DACH1: variants seen among roughly 807,000 people sequenced by gnomAD.
The protein encoded by DACH1 is dachshund family transcription factor 1.
Under a neutral mutation model 54.2 loss-of-function variants are expected in DACH1, and 12 were observed. The ratio of observed to expected loss-of-function variants is 0.22; its 90% CI spans 0.14 to 0.36. The LOEUF is 0.36. Among genes scored for constraint, DACH1 ranks in the 10% least tolerant of loss-of-function variants. The probability of loss-of-function intolerance (pLI) is 1.00; values close to 1 mark genes in which losing one functional copy is unlikely to be tolerated. For synonymous variants in DACH1, 386 were observed against 366.2 expected (o/e 1.05, Z -0.62); for missense variants, 805 against 929.8 (o/e 0.87, Z 1.75).
At chr13:71,609,575 T>C (rs556341929) in intron 3 of DACH1, among the ~76,000 whole-genome samples, 1 of 152,160 alleles carries the variant, frequency 6.6e-6, no homozygotes, top group African/African-American at 2.4e-5. Flanking sequence ...GTTTTGCTCT[T>C]GTAGCCCAGG....
In DACH1 at chr13:71,753,054, T is replaced by C. The variant is rs551477460; in HGVS notation, c.849-71144A>G. ...TAAACCTAACCTATTAATACCACTATGCATGGGATAATAGAAAGGCCCTCT... is the reference window on the plus strand; with the variant it reads ...TAAACCTAACCTATTAATACCACTACGCATGGGATAATAGAAAGGCCCTCT... On this transcript the variant is annotated intron_variant, in intron 1 of 10. Transcript: ENST00000613252. 2.0e-5 allele frequency among the ~76,000 whole-genome samples: 3 copies of C among 152,246 alleles called. No individual in the cohort carries two copies. The South Asian group carries it at 6.2e-4, about 32-fold the overall frequency.
chr13:71,539,090 T>C (rs749380099), intron 6 of DACH1, among the ~76,000 whole-genome samples: 11 of 152,084 alleles, frequency 7.2e-5, no homozygotes, highest in Non-Finnish European at 1.6e-4. Flanking sequence ...GCTGAAATTG[T>C]TATGGTTCTG....
chr13:71,778,139 T>TAAAA (rs1204856484), intron 1 of DACH1, among the ~76,000 whole-genome samples: 19 of 139,990 alleles, frequency 1.4e-4, no homozygotes, highest in African/African-American at 4.0e-4. Context: ...AATAAATAAA[T>TAAAA]AAAACTATAA....
chr13:71,851,212 T>A (rs1271941892), intron 1 of DACH1, among the ~76,000 whole-genome samples: 1 of 152,230 alleles, frequency 6.6e-6, no homozygotes, highest in African/African-American at 2.4e-5. Context: ...TTAATAGAGA[T>A]TAATCAAAGG....
chr13:71,482,783 T>C (rs1404341357), intron 7 of DACH1, among the ~76,000 whole-genome samples: 1 of 145,948 alleles, frequency 6.9e-6, no homozygotes, highest in Non-Finnish European at 1.5e-5. Context: ...TAGTACAGTA[T>C]CAACTGACAG....
At chr13:71,844,842 A>G (rs1274567878) in intron 1 of DACH1, among the ~76,000 whole-genome samples, 1 of 152,156 alleles carries the variant, frequency 6.6e-6, no homozygotes, top group Non-Finnish European at 1.5e-5. Flanking sequence ...ATTATGTTAA[A>G]TGTAGTTAAG....
intron 1 of DACH1, among the ~76,000 whole-genome samples, chr13:71,714,370 C>T (rs530556202): frequency 2.1e-4 from 32 of 152,002 alleles, no homozygotes; most frequent in African/African-American, 6.3e-4. Flanking sequence ...GGACATGGGC[C>T]ATTGTATCAA....
intron 2 of DACH1, among the ~76,000 whole-genome samples, chr13:71,653,199 A>T (rs546616512): frequency 6.6e-6 from 1 of 152,182 alleles, no homozygotes; most frequent in Non-Finnish European, 1.5e-5. Flanking sequence ...AGAAAGCAGC[A>T]CAATAAACCC....
chr13:71,518,050 C>A (rs979581978), intron 6 of DACH1, among the ~76,000 whole-genome samples: 1 of 151,770 alleles, frequency 6.6e-6, no homozygotes, highest in Non-Finnish European at 1.5e-5. Context: ...TGGTAACCTA[C>A]CTTGTTTAAT....
rs118104342 is a variant in DACH1, at chr13:71,513,267, T to C, written c.1571-24119A>G. On this transcript the variant is annotated intron_variant, in intron 6 of 10. Transcript: ENST00000613252. ...TGGCTTAGCAAATCTTTTCTTTATA[T>C]CTAGAACAAAGGTAAACTTTATCAA... is the stretch of plus-strand genomic sequence containing the variant. Among the ~76,000 whole-genome samples the C allele has an allele frequency of 2.5e-4, 38 of 152,066 alleles. No individual in the cohort carries two copies. The East Asian group carries it at 7.4e-3, about 29-fold the overall frequency.
chr13:71,497,558 C>CCCA (rs1879539978), intron 6 of DACH1, among the ~76,000 whole-genome samples: 1 of 151,964 alleles, frequency 6.6e-6, no homozygotes, highest in African/African-American at 2.4e-5. Context: ...TCTCGAACTC[C>CCCA]CCACCTTGGG....
intron 2 of DACH1, among the ~76,000 whole-genome samples, chr13:71,634,098 G>A (rs1192383291): frequency 9.9e-5 from 15 of 150,998 alleles, no homozygotes; most frequent in South Asian, 2.1e-4. Flanking sequence ...TCAGCCTCCC[G>A]AGTAGCTGGG....
chr13:71,843,279 C>A (rs532483380), intron 1 of DACH1, among the ~76,000 whole-genome samples: 10 of 151,806 alleles, frequency 6.6e-5, no homozygotes, highest in African/African-American at 2.4e-4. Context: ...TGTATTTATT[C>A]ATTTGAGACA....
chr13:71,785,417 A>G (rs983858357), intron 1 of DACH1, among the ~76,000 whole-genome samples: 4 of 152,214 alleles, frequency 2.6e-5, no homozygotes, highest in Non-Finnish European at 4.4e-5. Context: ...TCAAATGTAT[A>G]TTATGCATTT....
intron 1 of DACH1, among the ~76,000 whole-genome samples, chr13:71,851,867 A>C (rs12583037): frequency 0.083 from 12,631 of 152,164 alleles, 1,386 homozygotes; most frequent in East Asian, 0.56. Context: ...TTGAGACCCC[A>C]GAGATTCTTA....
chr13:71,781,663 C>T (rs1161378084), intron 1 of DACH1, among the ~76,000 whole-genome samples: 1 of 152,070 alleles, frequency 6.6e-6, no homozygotes, highest in African/African-American at 2.4e-5. Context: ...CAGGCGTGAG[C>T]CACCATGCCT....
chr13:71,863,773 T>G (rs2138298740), intron 1 of DACH1, among the ~76,000 whole-genome samples: 1 of 151,378 alleles, frequency 6.6e-6, no homozygotes, highest in South Asian at 2.1e-4. Flanking sequence ...TTTTCTCCAG[T>G]AATTTTTTGT....
chr13:71,805,621 G>A (rs2138136596), intron 1 of DACH1, among the ~76,000 whole-genome samples: 1 of 152,180 alleles, frequency 6.6e-6, no homozygotes, highest in African/African-American at 2.4e-5. Flanking sequence ...CCTTGTAAAT[G>A]TCAGAAATAT....
At chr13:71,704,747 A>G (rs1207277107) in intron 1 of DACH1, 1 of 162,534 alleles carries the variant, frequency 6.2e-6, no homozygotes, top group African/African-American at 2.4e-5. Flanking sequence ...CCCCCCAAGA[A>G]ATATTTAAAG....
Sources: gnomAD v4.1 joint callset for allele counts (sites outside exome capture counted in the v4.1 genomes callset) on GRCh38, gnomAD v4.1.1 for gene constraint, MANE v1.5 for transcripts, NCBI Gene and HGNC (gene_info 2026-07-23, HGNC 2026-07-21) for gene names.